The following DIS3L2 variants were observed in gnomAD, a reference collection of about 807,000 sequenced individuals.
The protein encoded by DIS3L2 is DIS3 like 3'-5' exoribonuclease 2, also known as DIS3-like exonuclease 2.
DIS3L2 carries 34 observed loss-of-function variants against 97.5 expected under a neutral mutation model. That is an observed-to-expected ratio of 0.35 (90% CI 0.27 to 0.46). The LOEUF (loss-of-function observed/expected upper bound fraction) is 0.46. Ranked by LOEUF, DIS3L2 falls within the 20% of genes least tolerant of loss-of-function variation. The pLI, the probability that DIS3L2 is intolerant of heterozygous loss-of-function variation, is 1.00. For missense variants in DIS3L2, 1,038 were observed against 1,146.0 expected (o/e 0.91, Z 1.36); for synonymous variants, 435 against 445.2 (o/e 0.98, Z 0.29).
rs760490430 is a variant in DIS3L2, at chr2:232,130,676, A to T, written c.659A>T (p.Asp220Val). 1.9e-6 allele frequency: 3 copies of T among 1,614,002 alleles called. No homozygotes were observed. In the Admixed American group the frequency reaches 5.0e-5, roughly 27 times the overall value. ...TKDETTCISQ[D>V]TRALSEKSLQ... ...GATGAGACCACCTGCATTTCACAAG[A>T]CACAAGAGCTTTATCGGAGAAATCC... Residue 220 changes from aspartate to valine, a missense_variant, in exon 7 of 21, where the codon GAC becomes GTC. Physicochemically the swap from Asp to Val is radical, Grantham distance 152. Coordinates refer to ENST00000325385, the MANE Select transcript of DIS3L2 (RefSeq NM_152383.5).
At chr2:232,242,042 T>A (rs939030537) in intron 11 of DIS3L2, among the ~76,000 whole-genome samples, 9 of 152,232 alleles carry the variant, frequency 5.9e-5, no homozygotes, top group African/African-American at 2.2e-4. Context: ...TTTTAAGATG[T>A]TTCTTTCTGA....
At chr2:232,339,148 A>AGAG (rs1696054433), downstream of DIS3L2, among the ~76,000 whole-genome samples, 1 of 152,190 alleles carries the variant, frequency 6.6e-6, no homozygotes, top group African/African-American at 2.4e-5. Flanking sequence ...CCTCCTGGGG[A>AGAG]GAGACTGACG....
intron 13 of DIS3L2, among the ~76,000 whole-genome samples, chr2:232,274,398 C>T (rs527486611): frequency 1.3e-5 from 2 of 152,326 alleles, no homozygotes; most frequent in South Asian, 4.1e-4. Flanking sequence ...GTGAGCCAAA[C>T]AGCTACATCA....
intron 5 of DIS3L2, among the ~76,000 whole-genome samples, chr2:232,079,531 C>T (rs1321254116): frequency 3.1e-5 from 4 of 129,086 alleles, no homozygotes; most frequent in African/African-American, 1.2e-4. Flanking sequence ...ACCGGGGAGG[C>T]GGAGCTTGCA....
intron 5 of DIS3L2, among the ~76,000 whole-genome samples, chr2:232,078,723 A>C (rs1430700790): frequency 1.3e-5 from 2 of 152,254 alleles, no homozygotes; most frequent in African/African-American, 2.4e-5. Context: ...TGTAGTATAC[A>C]GTTAGTGAGC....
intron 12 of DIS3L2, among the ~76,000 whole-genome samples, chr2:232,256,592 C>G (rs1693569409): frequency 6.6e-6 from 1 of 152,182 alleles, no homozygotes; most frequent in African/African-American, 2.4e-5. Flanking sequence ...CCAACCTCAA[C>G]CTTGCTTTCC....
intron 1 of DIS3L2, among the ~76,000 whole-genome samples, chr2:232,007,371 T>C (rs1694082728): frequency 6.6e-6 from 1 of 152,180 alleles, no homozygotes; most frequent in Non-Finnish European, 1.5e-5. Context: ...ATACTTCCGC[T>C]CTCAGTTATG....
At chr2:232,211,376 G>C (rs1317181858) in intron 10 of DIS3L2, among the ~76,000 whole-genome samples, 1 of 152,150 alleles carries the variant, frequency 6.6e-6, no homozygotes, top group African/African-American at 2.4e-5. Context: ...GAACTCCTGG[G>C]CTCAAGTGAT....
intron 13 of DIS3L2, among the ~76,000 whole-genome samples, chr2:232,290,348 A>G (rs1269708031): frequency 1.3e-5 from 2 of 152,218 alleles, no homozygotes; most frequent in East Asian, 1.9e-4. Flanking sequence ...GCTGAGGTAA[A>G]GGTGCTCCTG....
chr2:232,000,321 T>A (rs73098541), intron 1 of DIS3L2, among the ~76,000 whole-genome samples: 1 of 152,164 alleles, frequency 6.6e-6, no homozygotes, highest in African/African-American at 2.4e-5. Context: ...CAATATATTG[T>A]TATTAACTCT....
chr2:232,221,101 CAAAAAAAAA>C (rs373784144), intron 10 of DIS3L2, among the ~76,000 whole-genome samples: 1 of 97,602 alleles, frequency 1.0e-5, no homozygotes, highest in African/African-American at 4.1e-5. Context: ...GACTTCATCT[CAAAAAAAAA>C]AAAAAAAAAA....
At chr2:232,108,713 A>G (rs1411587464) in intron 6 of DIS3L2, among the ~76,000 whole-genome samples, 2 of 152,242 alleles carry the variant, frequency 1.3e-5, no homozygotes, top group Non-Finnish European at 2.9e-5. Context: ...GCAAAGTCTC[A>G]GGATACAAAA....
chr2:232,249,135 A>T (rs1693346712), intron 11 of DIS3L2, 104 bp from the exon 12 acceptor site: 2 of 1,061,878 alleles, frequency 1.9e-6, no homozygotes. Context: ...CTCCATCTTC[A>T]GCTTGCTCTG....
intron 5 of DIS3L2, among the ~76,000 whole-genome samples, chr2:232,052,149 A>G (rs901867093): frequency 2.6e-5 from 4 of 151,888 alleles, no homozygotes; most frequent in African/African-American, 7.3e-5. Context: ...CAGCCTCCCA[A>G]GTAGCTGGGA....
At chr2:232,184,348 G>A (rs930791408) in intron 9 of DIS3L2, among the ~76,000 whole-genome samples, 1 of 152,144 alleles carries the variant, frequency 6.6e-6, no homozygotes, top group Non-Finnish European at 1.5e-5. Context: ...GTGAAAGGAA[G>A]ATAGAATTTG....
chr2:232,096,039 A>G (rs1249302767), intron 6 of DIS3L2, among the ~76,000 whole-genome samples: 1 of 129,084 alleles, frequency 7.7e-6, no homozygotes, highest in Non-Finnish European at 1.7e-5. Flanking sequence ...TCCTTTCTTT[A>G]TCCCTGACCT....
At chr2:232,099,426 G>C (rs985444179) in intron 6 of DIS3L2, among the ~76,000 whole-genome samples, 1 of 152,060 alleles carries the variant, frequency 6.6e-6, no homozygotes, top group Non-Finnish European at 1.5e-5. Context: ...ATGTTGTCCA[G>C]GCTGGTCTGA....
At chr2:232,248,968 T>C (rs1454859219) in intron 11 of DIS3L2, among the ~76,000 whole-genome samples, 1 of 152,256 alleles carries the variant, frequency 6.6e-6, no homozygotes, top group Non-Finnish European at 1.5e-5. Flanking sequence ...TAGTAGATAA[T>C]ACAATGTAGC....
intron 6 of DIS3L2, among the ~76,000 whole-genome samples, chr2:232,095,289 A>C (rs149716197): frequency 1.3e-5 from 2 of 152,136 alleles, no homozygotes; most frequent in African/African-American, 4.8e-5. Flanking sequence ...ATATGATATA[A>C]TTCTTGCTTT....
Sources: allele counts gnomAD v4.1 joint callset (sites outside exome capture counted in the v4.1 genomes callset), GRCh38; gene constraint gnomAD v4.1.1; transcripts MANE v1.5; gene names NCBI Gene and HGNC (gene_info 2026-07-23, HGNC 2026-07-21).